Variants in TASP1 observed in about 807,000 individuals in gnomAD.
TASP1 encodes threonine aspartase 1.
Under a neutral mutation model 56.6 loss-of-function variants are expected in TASP1, and 16 were observed. The ratio of observed to expected loss-of-function variants is 0.28; its 90% CI spans 0.19 to 0.43. The LOEUF (loss-of-function observed/expected upper bound fraction) is 0.43. Ranked by LOEUF, TASP1 falls within the 20% of genes least tolerant of loss-of-function variation. TASP1 has a pLI of 1.00. For synonymous variants in TASP1, 179 were observed against 184.2 expected, an observed-to-expected ratio of 0.97 and a Z score of 0.23; for missense variants, 393 against 511.6, an observed-to-expected ratio of 0.77 and a Z score of 2.24.
chr20:13,268,348 CTCTCTCTCTCTCTCTCTCT>C, the TASP1 span, among the ~76,000 whole-genome samples: 3 of 820 alleles, frequency 3.7e-3, no homozygotes, highest in African/African-American at 5.8e-3. Flanking sequence ...CTTCTTCTTC[CTCTCTCTCTCTCTCTCTCT>C]CTCTCTCTCT....
At chr20:13,372,288 GCC>G in the TASP1 span, among the ~76,000 whole-genome samples, 5 of 148,996 alleles carry the variant, frequency 3.4e-5, no homozygotes, top group Non-Finnish European at 7.5e-5. Context: ...AAAAAGACTG[GCC>G]TCCCTAAGCA....
chr20:13,160,279 G>T, the TASP1 span: 2 of 957,212 alleles, frequency 2.1e-6, no homozygotes, highest in African/African-American at 3.3e-5. Context: ...CAAAAAACAA[G>T]AGCTCGTCAA....
At chr20:13,123,154 A>C in the TASP1 span, among the ~76,000 whole-genome samples, 1 of 152,034 alleles carries the variant, frequency 6.6e-6, no homozygotes, top group South Asian at 2.1e-4. Flanking sequence ...AACATGGTGA[A>C]ACCCCATCTC....
At chr20:13,581,053 G>T in intron 5 of TASP1, 72 bp from the exon 6 acceptor site, 1 of 1,434,222 alleles carries the variant, frequency 7.0e-7, no homozygotes, top group Non-Finnish European at 9.5e-7. Context: ...CAGTTTTGCA[G>T]TTGTTTCAAT....
At chr20:13,148,704 C>T in the TASP1 span, among the ~76,000 whole-genome samples, 1 of 152,308 alleles carries the variant, frequency 6.6e-6, no homozygotes, top group South Asian at 2.1e-4. Flanking sequence ...TGAGACATCC[C>T]AGTCTGCTTG....
At chr20:13,444,679 T>A (rs2043338589) in intron 11 of TASP1, among the ~76,000 whole-genome samples, 1 of 152,202 alleles carries the variant, frequency 6.6e-6, no homozygotes, top group Admixed American at 6.6e-5. Context: ...GTATATTAAG[T>A]TAACTGCATT....
the TASP1 span, among the ~76,000 whole-genome samples, chr20:13,261,374 C>T: frequency 8.6e-5 from 13 of 151,264 alleles, no homozygotes; most frequent in East Asian, 9.7e-4. Flanking sequence ...GCCGAGATCG[C>T]GCCATTGCCC....
chr20:13,276,500 C>T, the TASP1 span, among the ~76,000 whole-genome samples: 1 of 152,274 alleles, frequency 6.6e-6, no homozygotes, highest in Non-Finnish European at 1.5e-5. Flanking sequence ...TTTCTTGGAG[C>T]TGGGGAGATT....
the TASP1 span, among the ~76,000 whole-genome samples, chr20:13,361,149 G>GC: frequency 1.3e-5 from 2 of 151,980 alleles, no homozygotes; most frequent in Admixed American, 6.6e-5. Flanking sequence ...TCGAGGATTT[G>GC]CCCCACCCAG....
intron 13 of TASP1, chr20:13,393,070 T>C (rs1029639051): frequency 5.8e-5 from 35 of 598,994 alleles, no homozygotes; most frequent in Non-Finnish European, 9.6e-5. Flanking sequence ...CATGTTTATA[T>C]AGGCATGAAC....
At chr20:13,138,859 A>T in the TASP1 span, among the ~76,000 whole-genome samples, 3 of 152,210 alleles carry the variant, frequency 2.0e-5, no homozygotes, top group African/African-American at 4.8e-5. Flanking sequence ...ATGCTACTTA[A>T]ATAGCAGAAG....
At chr20:13,148,391 A>G in the TASP1 span, among the ~76,000 whole-genome samples, 1 of 152,204 alleles carries the variant, frequency 6.6e-6, no homozygotes, top group Non-Finnish European at 1.5e-5. Flanking sequence ...CAGCCAAGAT[A>G]GGTACACCCT....
chr20:13,360,496 C>T, the TASP1 span, among the ~76,000 whole-genome samples: 6 of 151,796 alleles, frequency 4.0e-5, no homozygotes, highest in Non-Finnish European at 8.8e-5. Flanking sequence ...GCATGGTTAG[C>T]GCGGTCAGAA....
At chr20:13,269,710 A>G in the TASP1 span, among the ~76,000 whole-genome samples, 1 of 152,160 alleles carries the variant, frequency 6.6e-6, no homozygotes, top group Non-Finnish European at 1.5e-5. Context: ...CCACCTATCT[A>G]AGGTTTTCCC....
intron 13 of TASP1, among the ~76,000 whole-genome samples, chr20:13,406,561 C>T (rs2041926836): frequency 6.6e-6 from 1 of 152,026 alleles, no homozygotes; most frequent in Non-Finnish European, 1.5e-5. Context: ...AGAAAGTGTT[C>T]AGTGTTTCAC....
At chr20:13,245,538 G>T in the TASP1 span, among the ~76,000 whole-genome samples, 1 of 152,068 alleles carries the variant, frequency 6.6e-6, no homozygotes, top group African/African-American at 2.4e-5. Flanking sequence ...AGGAGATGGG[G>T]TCATTGAGGG....
intron 10 of TASP1, among the ~76,000 whole-genome samples, chr20:13,525,613 T>C (rs954545736): frequency 1.3e-5 from 2 of 152,186 alleles, no homozygotes; most frequent in Non-Finnish European, 2.9e-5. Context: ...AATCCTAAAA[T>C]GCAGGCCAGG....
At chr20:13,602,718 C>T (rs1244795823) in intron 4 of TASP1, among the ~76,000 whole-genome samples, 2 of 152,066 alleles carry the variant, frequency 1.3e-5, no homozygotes, top group Non-Finnish European at 2.9e-5. Context: ...CAATAGGGCT[C>T]CTGCTGCTAT....
At chr20:13,527,481 G>T (rs2045026957) in intron 10 of TASP1, among the ~76,000 whole-genome samples, 1 of 152,090 alleles carries the variant, frequency 6.6e-6, no homozygotes, top group South Asian at 2.1e-4. Context: ...GTCAACCAGA[G>T]GTATCATCAC....
Sources: allele counts gnomAD v4.1 joint callset (sites outside exome capture counted in the v4.1 genomes callset), GRCh38; gene constraint gnomAD v4.1.1; transcripts MANE v1.5; gene names NCBI Gene and HGNC (gene_info 2026-07-23, HGNC 2026-07-21).